CAMTA1: variants seen among roughly 807,000 people sequenced by gnomAD.
CAMTA1 encodes the protein calmodulin-binding transcription activator 1.
In CAMTA1, 27 loss-of-function variants were observed where a neutral mutation model predicts 170.9. That is an observed-to-expected ratio of 0.16 (90% confidence interval 0.12 to 0.22). The LOEUF (loss-of-function observed/expected upper bound fraction) is 0.22. CAMTA1 is among the 10% of genes least tolerant of loss of function. The pLI, the probability that CAMTA1 is intolerant of heterozygous loss-of-function variation, is 1.00. For synonymous variants in CAMTA1, 833 were observed against 891.5 expected (o/e 0.93, Z 1.17); for missense variants, 1,619 against 2,217.2 (o/e 0.73, Z 5.42).
chr1:6,786,338 C>T (rs1436912173), intron 1 of CAMTA1, among the ~76,000 whole-genome samples: 1 of 152,132 alleles, frequency 6.6e-6, no homozygotes, highest in Non-Finnish European at 1.5e-5. Flanking sequence ...TGCACCCTCA[C>T]AGCCAGGAGG....
intron 3 of CAMTA1, among the ~76,000 whole-genome samples, chr1:6,978,328 T>A (rs890161504): frequency 6.6e-6 from 1 of 152,184 alleles, no homozygotes; most frequent in African/African-American, 2.4e-5. Context: ...AAACATCTTA[T>A]GTACCCCATA....
intron 4 of CAMTA1, among the ~76,000 whole-genome samples, chr1:7,180,087 C>T (rs1034887783): frequency 6.6e-6 from 1 of 152,028 alleles, no homozygotes; most frequent in Admixed American, 6.6e-5. Flanking sequence ...TGAGATTAGG[C>T]CGGGTGCGGT....
At position 7,456,152 on chromosome 1, in the gene CAMTA1, A is replaced by T. The variant is rs2092946708; in HGVS notation, c.439-11678A>T. ...GTGAGGGGGTACCCATAACAGAGGGATGGAGGAAGGGAGGGAGGGAGATGG... is the reference window on the plus strand; with the variant it reads ...GTGAGGGGGTACCCATAACAGAGGGTTGGAGGAAGGGAGGGAGGGAGATGG... On this transcript the variant is annotated intron_variant, in intron 5 of 22. Coordinates refer to ENST00000303635, the MANE Select transcript of CAMTA1 (RefSeq NM_015215.4). This position sits in a 1 kb window ranked among gnomAD's most constrained non-coding sequence, Gnocchi z 4.9. Among the ~76,000 whole-genome samples the T allele has an allele frequency of 1.4e-5, 2 of 141,184 alleles. No homozygotes were observed. The highest frequency in any genetic ancestry group is 5.3e-4 in the South Asian group (2 of 3,788). The allele number at this position is 141,184 out of a possible 152,430, so 92.6% of individuals were successfully genotyped here. A position where few individuals can be genotyped will look rare whatever the true frequency, so the allele number is the denominator to read the frequency against.
chr1:7,498,627 T>C (rs912178726), intron 6 of CAMTA1, among the ~76,000 whole-genome samples: 5 of 151,284 alleles, frequency 3.3e-5, no homozygotes, highest in Non-Finnish European at 5.9e-5. Flanking sequence ...GCAGTGTGTG[T>C]ATGAGTGTGC....
intron 3 of CAMTA1, among the ~76,000 whole-genome samples, chr1:7,058,505 G>A (rs969001997): frequency 1.2e-4 from 18 of 152,290 alleles, no homozygotes; most frequent in African/African-American, 3.6e-4. Context: ...AGGTGCTGAT[G>A]TAGTTTCTTG....
At chr1:7,437,957 A>G (rs993840306) in intron 5 of CAMTA1, among the ~76,000 whole-genome samples, 1 of 152,250 alleles carries the variant, frequency 6.6e-6, no homozygotes, top group Non-Finnish European at 1.5e-5. Flanking sequence ...ATAAAAAATC[A>G]TCTCAAGTGG....
At chr1:7,398,824 T>C (rs2089657037) in intron 5 of CAMTA1, among the ~76,000 whole-genome samples, 1 of 152,258 alleles carries the variant, frequency 6.6e-6, no homozygotes, top group South Asian at 2.1e-4. Flanking sequence ...TTTTCCTTTG[T>C]AGTTACTACG....
rs1251107454 is a variant in CAMTA1 at position 7,585,374 on chromosome 1, G to C, written c.511-55026G>C. Among the ~76,000 whole-genome samples the C allele has an allele frequency of 3.3e-5, 5 of 152,156 alleles. No homozygotes were observed. The South Asian group carries it at 1.0e-3, about 32-fold the overall frequency. Reference sequence around the variant, plus strand: ...GTGGGATGGGCTGGGAGCAGATCTAGGGAATGGCAGTCCTAACAGAGGGAA... The same window carrying C: ...GTGGGATGGGCTGGGAGCAGATCTACGGAATGGCAGTCCTAACAGAGGGAA... On this transcript the variant is annotated intron_variant, in intron 6 of 22. Transcript: ENST00000303635. The surrounding 1 kb of genome is among the most constrained non-coding windows in gnomAD (Gnocchi z 4.8).
intron 3 of CAMTA1, among the ~76,000 whole-genome samples, chr1:6,952,992 C>T (rs1167509554): frequency 6.6e-6 from 1 of 150,444 alleles, no homozygotes; most frequent in Non-Finnish European, 1.5e-5. Flanking sequence ...CGCCGCCTTC[C>T]GAACCCCAGG....
At chr1:7,526,963 A>G (rs2094438941) in intron 6 of CAMTA1, among the ~76,000 whole-genome samples, 2 of 152,178 alleles carry the variant, frequency 1.3e-5, no homozygotes, top group Non-Finnish European at 2.9e-5. Context: ...CCAAGAAAGC[A>G]GCCTTTCCAA....
chr1:7,755,591 G>T, intron 21 of CAMTA1, 47 bp from the exon 22 acceptor site: 1 of 1,420,330 alleles, frequency 7.0e-7, no homozygotes, highest in South Asian at 1.2e-5. Flanking sequence ...TTTCTGTTGT[G>T]ACCCTCATGT....
chr1:7,225,147 C>T (rs1365339645), intron 4 of CAMTA1, among the ~76,000 whole-genome samples: 1 of 151,960 alleles, frequency 6.6e-6, no homozygotes, highest in Non-Finnish European at 1.5e-5. Context: ...TGTGGTGGCA[C>T]GATCGCAGCT....
intron 5 of CAMTA1, among the ~76,000 whole-genome samples, chr1:7,310,678 T>TTCTTTCTCTC (rs1676483647): frequency 4.0e-4 from 14 of 34,644 alleles, no homozygotes; most frequent in Non-Finnish European, 6.6e-4. Flanking sequence ...TTTCCTTTCT[T>TTCTTTCTCTC]TCTCTCTCTC....
At chr1:6,788,939 C>T (rs568481089) in intron 1 of CAMTA1, among the ~76,000 whole-genome samples, 5 of 152,282 alleles carry the variant, frequency 3.3e-5, no homozygotes, top group African/African-American at 1.2e-4. Flanking sequence ...GCAGACTAGA[C>T]GGGTTCTCTG....
Position 7,664,672 on chromosome 1 carries a change from G to T in CAMTA1, c.2125G>T (p.Glu709Ter). The T allele has an allele frequency of 1.2e-6, 2 of 1,604,780 alleles. No homozygotes were observed. The highest frequency in any genetic ancestry group is 1.7e-4 in the Middle Eastern group (1 of 6,044). Reference sequence around the variant, plus strand: ...GAGCGAGGTCCTGCTCAAGTCTGGGGAGCTGCAGGCTTGCAGCTCTGAGCA... The same window carrying T: ...GAGCGAGGTCCTGCTCAAGTCTGGGTAGCTGCAGGCTTGCAGCTCTGAGCA... ...EGSEVLLKSG[E>*]LQACSSEHYL... is the part of the protein sequence containing the mutation. Residue 709 changes from glutamate to a stop codon, truncating the protein, a stop_gained, in exon 9 of 23, where the codon GAG (glutamate) becomes TAG (stop). Transcript: ENST00000303635. LOFTEE classifies it high-confidence loss of function.
chr1:7,062,197 C>T (rs1375741552), intron 3 of CAMTA1, among the ~76,000 whole-genome samples: 3 of 152,122 alleles, frequency 2.0e-5, no homozygotes, highest in African/African-American at 4.8e-5. Context: ...GGATTACAGA[C>T]GTGAGTCACC....
rs180725324 is a variant in CAMTA1 at position 7,182,456 on chromosome 1, T to C, written c.303-67035T>C. ...CTGCAGTGAACCGTGATCGTGCCAC[T>C]GTACTCCGGCCTGGGTGACAGAGTG... On this transcript the variant is annotated intron_variant, in intron 4 of 22. Transcript: ENST00000303635. Among the ~76,000 whole-genome samples, 1,308 of 149,684 alleles carry C rather than the reference T, an allele frequency of 8.7e-3. 13 individuals carry two copies. The highest frequency in any genetic ancestry group is 0.013 in the Non-Finnish European group (883 of 67,672).
intron 4 of CAMTA1, among the ~76,000 whole-genome samples, chr1:7,116,128 A>G (rs1644314877): frequency 6.6e-6 from 1 of 151,994 alleles, no homozygotes; most frequent in African/African-American, 2.4e-5. Context: ...TATTAACTTT[A>G]TGGGTTTTCC....
At chr1:7,193,357 A>C (rs1654910304) in intron 4 of CAMTA1, among the ~76,000 whole-genome samples, 1 of 151,912 alleles carries the variant, frequency 6.6e-6, no homozygotes. Context: ...GTCTCAAAAA[A>C]AAAAAAAAAG....
Sources: gnomAD v4.1 joint callset for allele counts (sites outside exome capture counted in the v4.1 genomes callset) on GRCh38, gnomAD v4.1.1 for gene constraint, Gnocchi (gnomAD v3.1) non-coding constraint, MANE v1.5 for transcripts, NCBI Gene and HGNC (gene_info 2026-07-23, HGNC 2026-07-21) for gene names.